The following SLC25A21 variants were observed in gnomAD, a reference collection of about 807,000 sequenced individuals.
SLC25A21 encodes the protein solute carrier family 25 member 21, also known as mitochondrial 2-oxodicarboxylate carrier.
In SLC25A21, 47 loss-of-function variants were observed where a neutral mutation model predicts 43.8. That is an observed-to-expected ratio of 1.07 (90% CI 0.85 to 1.37). The LOEUF is 1.37. SLC25A21 is among the 40% of genes most tolerant of loss of function. SLC25A21 has a pLI of 0.00. For missense variants in SLC25A21, 352 were observed against 350.2 expected (o/e 1.00, Z -0.04); for synonymous variants, 131 against 121.3 (o/e 1.08, Z -0.52).
chr14:36,823,762 G>A (rs187921889), intron 2 of SLC25A21, among the ~76,000 whole-genome samples: 2 of 152,256 alleles, frequency 1.3e-5, no homozygotes, highest in African/African-American at 2.4e-5. Context: ...ACCCAAAAAA[G>A]TTACCTGTGC....
At chr14:37,120,454 T>G (rs1963187380) in intron 1 of SLC25A21, among the ~76,000 whole-genome samples, 1 of 152,214 alleles carries the variant, frequency 6.6e-6, no homozygotes, top group Non-Finnish European at 1.5e-5. Flanking sequence ...AATACTGCCT[T>G]CAGTCCTCCA....
intron 1 of SLC25A21, among the ~76,000 whole-genome samples, chr14:36,944,491 A>C (rs1892637484): frequency 6.6e-6 from 1 of 152,108 alleles, no homozygotes; most frequent in Non-Finnish European, 1.5e-5. Flanking sequence ...GAAACATCAC[A>C]GATAGTGAGA....
At position 37,105,574 on chromosome 14, in the gene SLC25A21, TAAG is replaced by T. The variant is rs762836308; in HGVS notation, c.70+66704_70+66706del. On this transcript the variant is annotated intron_variant, in intron 1 of 9. Transcript: ENST00000331299. Reference sequence around the variant, plus strand: ...TGCTTTTTAATTTTATTTTTAATTTTAAGAAGAAAAGAGAGTCAGCGTGGGGAT... The same window carrying T: ...TGCTTTTTAATTTTATTTTTAATTTTAAGAAAAGAGAGTCAGCGTGGGGAT... Among the ~76,000 whole-genome samples the T allele has an allele frequency of 1.2e-4, 19 of 152,180 alleles. No homozygotes were observed. In the East Asian group the frequency reaches 3.1e-3, roughly 25 times the overall value.
At chr14:36,996,966 G>A (rs1960384569) in intron 1 of SLC25A21, among the ~76,000 whole-genome samples, 1 of 152,152 alleles carries the variant, frequency 6.6e-6, no homozygotes, top group Non-Finnish European at 1.5e-5. Flanking sequence ...ACTTCACTAA[G>A]GGTAAGAGAA....
intron 1 of SLC25A21, among the ~76,000 whole-genome samples, chr14:37,005,225 A>C (rs146130493): frequency 1.3e-5 from 2 of 148,394 alleles, no homozygotes; most frequent in Non-Finnish European, 3.0e-5. Context: ...CACACACACC[A>C]CGATAAAAAG....
At chr14:36,892,645 C>T (rs945272147) in intron 1 of SLC25A21, among the ~76,000 whole-genome samples, 1 of 151,878 alleles carries the variant, frequency 6.6e-6, no homozygotes, top group Non-Finnish European at 1.5e-5. Context: ...TGTGCTGCAC[C>T]CATTAACTCG....
chr14:36,786,946 GCCT>G (rs1458333596), intron 3 of SLC25A21, among the ~76,000 whole-genome samples: 1 of 152,164 alleles, frequency 6.6e-6, no homozygotes, highest in East Asian at 1.9e-4. Context: ...GCAATTATGA[GCCT>G]GTGGTAATAA....
At chr14:37,104,521 T>C (rs1277306745) in intron 1 of SLC25A21, among the ~76,000 whole-genome samples, 11 of 152,224 alleles carry the variant, frequency 7.2e-5, no homozygotes, top group Admixed American at 3.9e-4. Context: ...GCCATTCCTT[T>C]GGCATTATTT....
At chr14:37,131,349 T>C (rs868300716) in intron 1 of SLC25A21, among the ~76,000 whole-genome samples, 67 of 152,196 alleles carry the variant, frequency 4.4e-4, no homozygotes, top group African/African-American at 1.5e-3. Flanking sequence ...CGGGTCCGTT[T>C]GTGAACATTC....
chr14:37,024,007 G>A (rs1052158788), intron 1 of SLC25A21, among the ~76,000 whole-genome samples: 4 of 152,062 alleles, frequency 2.6e-5, no homozygotes, highest in African/African-American at 4.8e-5. Context: ...CTGACAAATT[G>A]TAATTCAGGA....
At chr14:36,869,273 G>T (rs538341948) in intron 2 of SLC25A21, among the ~76,000 whole-genome samples, 5 of 152,282 alleles carry the variant, frequency 3.3e-5, no homozygotes, top group African/African-American at 1.2e-4. Context: ...TACTCAGAGT[G>T]GGTGTATTCT....
intron 1 of SLC25A21, among the ~76,000 whole-genome samples, chr14:37,080,586 C>A (rs951911981): frequency 9.2e-5 from 14 of 152,130 alleles, no homozygotes; most frequent in African/African-American, 2.4e-4. Flanking sequence ...GGTGACAGAG[C>A]AAGACCCTGC....
chr14:37,113,018 C>G (rs1463660555), intron 1 of SLC25A21, among the ~76,000 whole-genome samples: 1 of 152,116 alleles, frequency 6.6e-6, no homozygotes, highest in Non-Finnish European at 1.5e-5. Flanking sequence ...GCCTCTGCCT[C>G]TATTACAAGA....
rs183576521 is a variant in SLC25A21 at position 36,874,258 on chromosome 14, T to C, written c.119+698A>G. Among the ~76,000 whole-genome samples the C allele has an allele frequency of 4.6e-5, 7 of 152,346 alleles. No homozygotes were observed. The East Asian group carries it at 1.4e-3, about 29-fold the overall frequency. On this transcript the variant is annotated intron_variant, in intron 2 of 9. Transcript: ENST00000331299. Reference sequence around the variant, plus strand: ...AGGCTCCAACCTAGGCATGGTGCTTTTGGGTTTCATATAGTGCAAATAAAT... The same window carrying C: ...AGGCTCCAACCTAGGCATGGTGCTTCTGGGTTTCATATAGTGCAAATAAAT...
intron 1 of SLC25A21, among the ~76,000 whole-genome samples, chr14:36,915,344 C>T (rs1594689883): frequency 6.6e-6 from 1 of 152,138 alleles, no homozygotes; most frequent in East Asian, 1.9e-4. Context: ...CAAACTCCCA[C>T]ACTCTCTCTT....
At chr14:37,068,300 T>A (rs1297657922) in intron 1 of SLC25A21, among the ~76,000 whole-genome samples, 1 of 152,186 alleles carries the variant, frequency 6.6e-6, no homozygotes, top group Non-Finnish European at 1.5e-5. Context: ...GTGATTAAAG[T>A]GCTTTTCCTC....
At position 36,678,924 on chromosome 14, in the gene SLC25A21, T is replaced by C. The variant is rs550608888; in HGVS notation, c.*1734A>G. The C allele has an allele frequency of 7.1e-6, 7 of 979,322 alleles. No individual in the cohort carries two copies. Among genetic ancestry groups the C allele is most frequent in the South Asian group, 4.7e-5 (1 of 21,166 alleles). The allele number at this position is 979,322 out of a possible 1,614,324, so 60.7% of individuals were successfully genotyped here. ...ACTTTTTAAAATACGAGAAGGAAAA[T>C]AGGATGGATTAAAGGGTTAACTTTT... is the stretch of plus-strand genomic sequence containing the variant. On this transcript the variant is annotated 3_prime_UTR_variant, in exon 10 of 10. Transcript: ENST00000331299.
At chr14:36,794,267 C>G (rs1424264607) in intron 3 of SLC25A21, among the ~76,000 whole-genome samples, 1 of 152,024 alleles carries the variant, frequency 6.6e-6, no homozygotes, top group Non-Finnish European at 1.5e-5. Context: ...TTTCAGTTCT[C>G]TCCAGGAGTG....
chr14:36,929,032 T>C (rs1345406233), intron 1 of SLC25A21, among the ~76,000 whole-genome samples: 1 of 152,194 alleles, frequency 6.6e-6, no homozygotes, highest in East Asian at 1.9e-4. Context: ...CGGTCTCATA[T>C]GACTCCATTG....
Sources: allele counts gnomAD v4.1 joint callset (sites outside exome capture counted in the v4.1 genomes callset), GRCh38; gene constraint gnomAD v4.1.1; transcripts MANE v1.5; gene names NCBI Gene and HGNC (gene_info 2026-07-23, HGNC 2026-07-21).